The following CSMD1 variants were observed in gnomAD, a reference collection of about 807,000 sequenced individuals.
CSMD1 encodes the protein CUB and Sushi multiple domains 1.
Under a neutral mutation model 417.5 loss-of-function variants are expected in CSMD1, and 213 were observed. The observed-to-expected ratio is 0.51, with a 90% CI of 0.46 to 0.57. The LOEUF is 0.57. Ranked by LOEUF, CSMD1 falls within the 20% of genes least tolerant of loss-of-function variation. CSMD1 has a pLI of 0.00. For missense variants in CSMD1, 6,923 were observed against 4,529.7 expected (o/e 1.53, Z -15.17); for synonymous variants, 2,862 against 1,736.8 (o/e 1.65, Z -16.11).
intron 5 of CSMD1, among the ~76,000 whole-genome samples, chr8:3,942,824 G>T (rs1810971557): frequency 6.6e-6 from 1 of 152,128 alleles, no homozygotes; most frequent in African/African-American, 2.4e-5. Flanking sequence ...CTAACCATAA[G>T]GGCAATGATT....
At chr8:4,251,717 A>C (rs1243727810) in intron 3 of CSMD1, among the ~76,000 whole-genome samples, 1 of 152,136 alleles carries the variant, frequency 6.6e-6, no homozygotes, top group Non-Finnish European at 1.5e-5. Flanking sequence ...ATGTGTACCT[A>C]GTCCTGATGA....
At chr8:4,521,291 T>A (rs1027231546) in intron 2 of CSMD1, among the ~76,000 whole-genome samples, 1 of 152,162 alleles carries the variant, frequency 6.6e-6, no homozygotes, top group African/African-American at 2.4e-5. Flanking sequence ...AGAATGAATT[T>A]TCCTTCCAGA....
At chr8:4,953,959 AAAGTT>A (rs1384443750) in intron 1 of CSMD1, among the ~76,000 whole-genome samples, 3 of 152,144 alleles carry the variant, frequency 2.0e-5, no homozygotes, top group African/African-American at 4.8e-5. Context: ...AATGCACAGT[AAAGTT>A]AAGAAATACT....
At chr8:4,264,222 T>A (rs1435519233) in intron 3 of CSMD1, among the ~76,000 whole-genome samples, 1 of 152,222 alleles carries the variant, frequency 6.6e-6, no homozygotes. Flanking sequence ...CAATTAATTA[T>A]TAGAATTTCC....
chr8:4,972,243 C>T (rs960593329), intron 1 of CSMD1, among the ~76,000 whole-genome samples: 7 of 151,440 alleles, frequency 4.6e-5, no homozygotes, highest in Admixed American at 1.3e-4. Context: ...AGTCACAAAA[C>T]CATGGAATGG....
intron 2 of CSMD1, among the ~76,000 whole-genome samples, chr8:4,555,234 T>C (rs1201895319): frequency 1.3e-5 from 2 of 152,204 alleles, no homozygotes; most frequent in African/African-American, 4.8e-5. Context: ...TTACGGGTTA[T>C]TGCAGAAATC....
Position 4,968,699 on chromosome 8 carries a change from C to G in CSMD1, c.85+25633G>C, listed in dbSNP as rs1219512973. ...GCTATCTCTGCTTTCAAATACTAAC[C>G]TCTACCAGTGGCAGCAGATAAACGT... is the stretch of plus-strand genomic sequence containing the variant. On this transcript the variant is annotated intron_variant, in intron 1 of 69. Coordinates refer to ENST00000635120, the MANE Select transcript of CSMD1 (RefSeq NM_033225.6). Among the ~76,000 whole-genome samples the G allele has an allele frequency of 2.0e-5, 3 of 152,108 alleles. No homozygotes were observed. The East Asian group carries it at 5.8e-4, about 29-fold the overall frequency.
intron 5 of CSMD1, among the ~76,000 whole-genome samples, chr8:3,947,400 C>A (rs951141561): frequency 1.3e-5 from 2 of 152,240 alleles, no homozygotes; most frequent in Non-Finnish European, 2.9e-5. Context: ...GACGTGCTAT[C>A]CTTTTTATAA....
At chr8:4,483,760 A>C (rs913054800) in intron 2 of CSMD1, among the ~76,000 whole-genome samples, 4 of 152,200 alleles carry the variant, frequency 2.6e-5, no homozygotes, top group African/African-American at 9.7e-5. Flanking sequence ...CAAAATAAAT[A>C]ATTAAGAACT....
chr8:3,084,374 T>C (rs1018970056), intron 49 of CSMD1, among the ~76,000 whole-genome samples: 1 of 151,380 alleles, frequency 6.6e-6, no homozygotes, highest in African/African-American at 2.4e-5. Context: ...ATACAAAAAA[T>C]TAGCCGGCTA....
chr8:4,200,894 G>C (rs538765619), intron 3 of CSMD1, among the ~76,000 whole-genome samples: 1 of 152,158 alleles, frequency 6.6e-6, no homozygotes, highest in Non-Finnish European at 1.5e-5. Context: ...ACATCTTTAA[G>C]AAACGCTAAG....
chr8:4,614,488 T>C (rs184328191), intron 2 of CSMD1, among the ~76,000 whole-genome samples: 3 of 152,132 alleles, frequency 2.0e-5, no homozygotes, highest in Admixed American at 1.3e-4. Context: ...TCTAAACTGA[T>C]CTCTTTATTT....
intron 10 of CSMD1, among the ~76,000 whole-genome samples, chr8:3,559,818 G>A (rs1799392336): frequency 6.6e-6 from 1 of 152,042 alleles, no homozygotes; most frequent in African/African-American, 2.4e-5. Context: ...CAGCTATGAG[G>A]GATTAAAACA....
chr8:4,805,282 C>G lies in CSMD1; in HGVS notation c.86-167724G>C, dbSNP rs80253666. Among the ~76,000 whole-genome samples, 582 of 152,274 alleles carry G rather than the reference C, an allele frequency of 3.8e-3. 7 individuals are homozygous for G. The highest frequency in any genetic ancestry group is 0.013 in the African/African-American group (538 of 41,544). On this transcript the variant is annotated intron_variant, in intron 1 of 69. Coordinates refer to ENST00000635120, the MANE Select transcript of CSMD1 (RefSeq NM_033225.6). ...TCTTTCATGGATGTATTTAGTATATCTTTTTATTCTATGCAATATGCTTCA... is the reference window on the plus strand; with the variant it reads ...TCTTTCATGGATGTATTTAGTATATGTTTTTATTCTATGCAATATGCTTCA...
At chr8:4,157,065 G>C (rs1435172593) in intron 3 of CSMD1, among the ~76,000 whole-genome samples, 1 of 152,148 alleles carries the variant, frequency 6.6e-6, no homozygotes, top group Non-Finnish European at 1.5e-5. Flanking sequence ...GACCAGAACA[G>C]GGATGGACCC....
chr8:3,029,527 G>A lies in CSMD1; in HGVS notation c.7661-14C>T, dbSNP rs763149006. 3.7e-5 allele frequency: 58 copies of A among 1,572,712 alleles called. No homozygotes were observed. Among genetic ancestry groups the A allele is most frequent in the Middle Eastern group, 1.7e-4 (1 of 6,006 alleles). ...GGCAAGCGACCGCTGGAAGGGAAAC[G>A]TACATCACATCATCATTTTTCTTTT... On this transcript the variant is annotated splice_polypyrimidine_tract_variant and intron_variant, in intron 50 of 69. Coordinates refer to ENST00000635120, the MANE Select transcript of CSMD1 (RefSeq NM_033225.6).
chr8:4,802,235 G>A (rs10097166), intron 1 of CSMD1, among the ~76,000 whole-genome samples: 5,631 of 152,248 alleles, frequency 0.037, 351 homozygotes, highest in African/African-American at 0.13. Context: ...TAAACTAGTA[G>A]TGTTTGCCCT....
chr8:4,494,552 T>C (rs944912964), intron 2 of CSMD1, among the ~76,000 whole-genome samples: 39 of 152,218 alleles, frequency 2.6e-4, no homozygotes, highest in African/African-American at 5.8e-4. Context: ...TGGAGATTTA[T>C]CTGGGCTATG....
chr8:4,303,422 G>GTTTTTTTTTTTTTTTTTTTTTTTTTTTT (rs71511194), intron 3 of CSMD1, among the ~76,000 whole-genome samples: 1 of 85,216 alleles, frequency 1.2e-5, no homozygotes, highest in African/African-American at 4.8e-5. Flanking sequence ...GCAGGAAGCT[G>GTTTTTTTTTTTTTTTTTTTTTTTTTTTT]TTTTTTTTTT....
Sources: allele counts gnomAD v4.1 joint callset (sites outside exome capture counted in the v4.1 genomes callset), GRCh38; gene constraint gnomAD v4.1.1; transcripts MANE v1.5; gene names NCBI Gene and HGNC (gene_info 2026-07-23, HGNC 2026-07-21).